The following ULK4 variants were observed in gnomAD, a reference collection of about 807,000 sequenced individuals.
ULK4 encodes the protein unc-51 like kinase 4.
Under a neutral mutation model 160.6 loss-of-function variants are expected in ULK4, and 133 were observed. The observed-to-expected ratio is 0.83, with a 90% CI of 0.72 to 0.96. The LOEUF is 0.96. ULK4 is among the 40% of genes least tolerant of loss of function. The pLI is 0.00. For missense variants in ULK4, 1,580 were observed against 1,499.5 expected, an observed-to-expected ratio of 1.05 and a Z score of -0.89; for synonymous variants, 534 against 539.8, an observed-to-expected ratio of 0.99 and a Z score of 0.15.
intron 22 of ULK4, 49 bp from the exon 23 acceptor site, chr3:41,717,910 T>A: frequency 3.8e-6 from 6 of 1,574,410 alleles, no homozygotes; most frequent in Non-Finnish European, 5.2e-6. Flanking sequence ...AAACACTTGA[T>A]AGCATCTATC....
intron 35 of ULK4, among the ~76,000 whole-genome samples, chr3:41,279,359 G>T (rs998753420): frequency 6.6e-6 from 1 of 151,750 alleles, no homozygotes; most frequent in Admixed American, 6.6e-5. Flanking sequence ...AAATGACGGG[G>T]AGAATGGGAC....
intron 35 of ULK4, among the ~76,000 whole-genome samples, chr3:41,271,081 TTAAC>T (rs2079129428): frequency 6.6e-6 from 1 of 152,218 alleles, no homozygotes; most frequent in Non-Finnish European, 1.5e-5. Flanking sequence ...TTACTGAAGT[TTAAC>T]TGACATATAG....
intron 35 of ULK4, among the ~76,000 whole-genome samples, chr3:41,306,249 G>A (rs1410639562): frequency 9.7e-5 from 10 of 103,086 alleles, no homozygotes; most frequent in South Asian, 3.3e-4. Context: ...CCGGCCAGCC[G>A]CCCCGTCCGG....
At chr3:41,730,954 G>C (rs370166138) in intron 22 of ULK4, among the ~76,000 whole-genome samples, 2 of 151,910 alleles carry the variant, frequency 1.3e-5, no homozygotes, top group East Asian at 1.9e-4. Flanking sequence ...ATACATGCAG[G>C]GAAAAAACTT....
intron 31 of ULK4, among the ~76,000 whole-genome samples, chr3:41,588,239 G>C (rs1173729810): frequency 1.3e-5 from 2 of 152,112 alleles, no homozygotes; most frequent in Non-Finnish European, 2.9e-5. Context: ...CTGACTGACA[G>C]TACATTTCAT....
chr3:41,283,775 G>A lies in ULK4; in HGVS notation c.3679-34201C>T, dbSNP rs372886284. Among the ~76,000 whole-genome samples, 43 of 151,582 alleles carry A rather than the reference G, an allele frequency of 2.8e-4. No individual in the cohort carries two copies. In the South Asian group the frequency reaches 8.5e-3, roughly 30 times the overall value. Reference sequence around the variant, plus strand: ...AACCTGCACGTTTTGCACATGTACCGTAGAACAAACAAACAAACAGACAAA... The same window carrying A: ...AACCTGCACGTTTTGCACATGTACCATAGAACAAACAAACAAACAGACAAA... On this transcript the variant is annotated intron_variant, in intron 35 of 36. Transcript: ENST00000301831.
At chr3:41,797,693 CT>C (rs1188054632) in intron 20 of ULK4, among the ~76,000 whole-genome samples, 1 of 152,004 alleles carries the variant, frequency 6.6e-6, no homozygotes, top group Non-Finnish European at 1.5e-5. Context: ...AACCACATCT[CT>C]ACTAAAAAAT....
chr3:41,850,256 G>A (rs1048529865), intron 17 of ULK4, among the ~76,000 whole-genome samples: 13 of 152,174 alleles, frequency 8.5e-5, no homozygotes, highest in Non-Finnish European at 7.3e-5. Flanking sequence ...ATTGTGAATA[G>A]TGCTGCAATA....
intron 32 of ULK4, among the ~76,000 whole-genome samples, chr3:41,534,884 T>A (rs2086444463): frequency 6.6e-6 from 1 of 152,210 alleles, no homozygotes; most frequent in Admixed American, 6.5e-5. Flanking sequence ...AGGTTTATTA[T>A]AATTTTTAGA....
At chr3:41,432,479 AC>A (rs2082935754) in intron 34 of ULK4, among the ~76,000 whole-genome samples, 1 of 152,182 alleles carries the variant, frequency 6.6e-6, no homozygotes, top group Non-Finnish European at 1.5e-5. Flanking sequence ...TCCTTGGGGA[AC>A]TATACCAGAA....
intron 35 of ULK4, among the ~76,000 whole-genome samples, chr3:41,333,916 G>A (rs965556329): frequency 1.3e-5 from 2 of 152,066 alleles, no homozygotes; most frequent in African/African-American, 4.8e-5. Flanking sequence ...ACTGATCTAG[G>A]TGAAATAGTG....
intron 12 of ULK4, among the ~76,000 whole-genome samples, chr3:41,907,461 T>A (rs1179373264): frequency 6.7e-6 from 1 of 149,328 alleles, no homozygotes; most frequent in Non-Finnish European, 1.5e-5. Context: ...CAAACCCAGC[T>A]AATTTTTTTT....
chr3:41,316,187 C>T (rs958942058), intron 35 of ULK4, among the ~76,000 whole-genome samples: 3 of 152,068 alleles, frequency 2.0e-5, no homozygotes, highest in Non-Finnish European at 1.5e-5. Context: ...TATGTCCATA[C>T]AATGGAATAC....
At position 41,819,516 on chromosome 3, in the gene ULK4, AGTGG is replaced by A; in HGVS notation, c.1765-14_1765-11del. ...TCTTTTTTTTTTCTTCCTAAAATGA[AGTGG>A]GAAAAAAAAAGGCAGTGAAGCTAAC... On this transcript the variant is annotated splice_polypyrimidine_tract_variant and intron_variant, in intron 18 of 36. Transcript: ENST00000301831. The A allele has an allele frequency of 1.3e-6, 2 of 1,584,420 alleles. No homozygotes were observed. The highest frequency in any genetic ancestry group is 1.8e-5 in the African/African-American group (1 of 55,872).
At chr3:41,669,642 T>TA (rs1575550846) in intron 29 of ULK4, among the ~76,000 whole-genome samples, 1 of 152,106 alleles carries the variant, frequency 6.6e-6, no homozygotes, top group Non-Finnish European at 1.5e-5. Context: ...GATGCAGCCA[T>TA]AAAAAATGGT....
intron 35 of ULK4, among the ~76,000 whole-genome samples, chr3:41,343,275 C>A (rs2080724188): frequency 6.7e-6 from 1 of 149,906 alleles, no homozygotes; most frequent in East Asian, 1.9e-4. Flanking sequence ...CTAGAAAATG[C>A]CATTGTCTCA....
At chr3:41,902,361 C>T (rs1575917637) in intron 12 of ULK4, among the ~76,000 whole-genome samples, 1 of 151,924 alleles carries the variant, frequency 6.6e-6, no homozygotes, top group Non-Finnish European at 1.5e-5. Flanking sequence ...GGGCACATCA[C>T]GAGGTCAGGA....
Position 41,918,428 on chromosome 3 carries a change from T to C in ULK4, c.727+29A>G, listed in dbSNP as rs77956212. ...ACCTTTAATCAGTGTAAAATGTAAA[T>C]TAATTCCATTTATCATAAGAAATCT... is the stretch of plus-strand genomic sequence containing the variant. On this transcript the variant is annotated intron_variant, in intron 7 of 36. Transcript: ENST00000301831. 5.5e-3 allele frequency: 8,113 copies of C among 1,483,528 alleles called. 373 individuals are homozygous for C. In the African/African-American group the frequency reaches 0.1, roughly 18 times the overall value. The allele number at this position is 1,483,528 out of a possible 1,614,324, so 91.9% of individuals were successfully genotyped here.
At chr3:41,710,994 C>A (rs1390375177) in intron 25 of ULK4, among the ~76,000 whole-genome samples, 3 of 152,030 alleles carry the variant, frequency 2.0e-5, no homozygotes, top group African/African-American at 7.2e-5. Flanking sequence ...GGTGGGCCGA[C>A]AAGCGGATGC....
Sources: allele counts gnomAD v4.1 joint callset (sites outside exome capture counted in the v4.1 genomes callset), GRCh38; gene constraint gnomAD v4.1.1; transcripts MANE v1.5; gene names NCBI Gene and HGNC (gene_info 2026-07-23, HGNC 2026-07-21).